TMEM68: variants seen among roughly 807,000 people sequenced by gnomAD.
The protein encoded by TMEM68 is transmembrane protein 68.
TMEM68 carries 25 observed loss-of-function variants against 36.9 expected under a neutral mutation model. The ratio of observed to expected loss-of-function variants is 0.68; its 90% CI spans 0.49 to 0.95. The LOEUF is 0.95. Ranked by LOEUF, TMEM68 falls within the 40% of genes least tolerant of loss-of-function variation. TMEM68 has a pLI of 0.00. For missense variants in TMEM68, 333 were observed against 392.0 expected, an observed-to-expected ratio of 0.85 and a Z score of 1.27; for synonymous variants, 131 against 124.4, an observed-to-expected ratio of 1.05 and a Z score of -0.35.
intron 1 of TMEM68, among the ~76,000 whole-genome samples, chr8:55,769,096 G>A (rs532009986): frequency 1.0e-4 from 15 of 149,928 alleles, no homozygotes; most frequent in South Asian, 4.2e-4. Context: ...AGGCCAAGGC[G>A]GGTGGATCAC....
intron 6 of TMEM68, 58 bp downstream of exon 6, chr8:55,745,003 C>G: frequency 8.6e-7 from 1 of 1,167,124 alleles, no homozygotes. Flanking sequence ...TAGGGTTCAA[C>G]AGCCCAAATA....
At chr8:55,771,389 C>T (rs1470422443) in intron 1 of TMEM68, among the ~76,000 whole-genome samples, 1 of 151,910 alleles carries the variant, frequency 6.6e-6, no homozygotes, top group Non-Finnish European at 1.5e-5. Context: ...ATCACTTGAA[C>T]CCAAGAATTC....
At chr8:55,769,411 T>C (rs1389766316) in intron 1 of TMEM68, among the ~76,000 whole-genome samples, 2 of 150,456 alleles carry the variant, frequency 1.3e-5, no homozygotes, top group Non-Finnish European at 3.0e-5. Flanking sequence ...ACAGATGATG[T>C]AGGAGAGGAG....
chr8:55,740,325 G>A, intron 7 of TMEM68, 107 bp from the exon 8 acceptor site: 1 of 752,780 alleles, frequency 1.3e-6, no homozygotes, highest in South Asian at 2.0e-5. Flanking sequence ...TACACCTGAA[G>A]CTTATATATT....
At chr8:55,757,034 G>A (rs1810628238) in intron 3 of TMEM68, among the ~76,000 whole-genome samples, 1 of 152,086 alleles carries the variant, frequency 6.6e-6, no homozygotes, top group South Asian at 2.1e-4. Flanking sequence ...CTGATCAAAT[G>A]AGTCAACATA....
At chr8:55,759,573 AAAAT>A (rs1365121292) in intron 3 of TMEM68, among the ~76,000 whole-genome samples, 2 of 151,952 alleles carry the variant, frequency 1.3e-5, no homozygotes, top group African/African-American at 4.8e-5. Flanking sequence ...CTCTGTCTCA[AAAAT>A]AAATAAATAA....
chr8:55,766,627 C>T (rs1389241121), intron 1 of TMEM68, among the ~76,000 whole-genome samples: 3 of 151,980 alleles, frequency 2.0e-5, no homozygotes, highest in South Asian at 4.2e-4. Flanking sequence ...CCGCCCGCCT[C>T]GGCCTCCCAA....
At chr8:55,762,545 T>G in intron 3 of TMEM68, 90 bp downstream of exon 3, 1 of 1,580,192 alleles carries the variant, frequency 6.3e-7, no homozygotes, top group Non-Finnish European at 8.6e-7. Flanking sequence ...TATTTTTCAG[T>G]ATCTTCTCAA....
At chr8:55,768,582 C>T (rs1425371228) in intron 1 of TMEM68, among the ~76,000 whole-genome samples, 2 of 152,046 alleles carry the variant, frequency 1.3e-5, no homozygotes, top group Non-Finnish European at 2.9e-5. Flanking sequence ...CGGTGGCTCA[C>T]ACCTGTAATC....
chr8:55,752,827 C>T (rs1227035923), intron 4 of TMEM68, among the ~76,000 whole-genome samples: 1 of 150,024 alleles, frequency 6.7e-6, no homozygotes, highest in Non-Finnish European at 1.5e-5. Flanking sequence ...TGGGCTCAAG[C>T]GATCCTCTCA....
chr8:55,757,907 C>A (rs1810654561), intron 3 of TMEM68, among the ~76,000 whole-genome samples: 1 of 152,118 alleles, frequency 6.6e-6, no homozygotes, highest in Non-Finnish European at 1.5e-5. Context: ...AAGCCTCACC[C>A]CTAAGCCCCA....
intron 5 of TMEM68, among the ~76,000 whole-genome samples, chr8:55,749,168 C>A (rs1810365058): frequency 6.6e-6 from 1 of 152,160 alleles, no homozygotes; most frequent in South Asian, 2.1e-4. Context: ...CTTATGTAGA[C>A]ATGAAGTTAT....
rs756086889 is a variant in TMEM68 at position 55,762,897 on chromosome 8, C to G, written c.63G>C (p.Leu21=). The G allele has an allele frequency of 1.2e-6, 2 of 1,614,098 alleles. No individual in the cohort carries two copies. Among genetic ancestry groups the G allele is most frequent in the Non-Finnish European group, 1.7e-6 (2 of 1,180,010 alleles). ...CAAACCATTCTTCGAGTATGTGAAT[C>G]AGACAAATCATATAGGGCACAGAAT... ...GQDSVPYMIC[L]IHILEEWFGV... Residue 21 remains leucine, a synonymous_variant, in exon 3 of 8, where the codon CTG becomes CTC. Coordinates refer to ENST00000434581, the MANE Select transcript of TMEM68 (RefSeq NM_001286657.2).
intron 1 of TMEM68, among the ~76,000 whole-genome samples, chr8:55,766,373 CTTTT>C (rs768070569): frequency 1.9e-4 from 21 of 113,056 alleles, no homozygotes; most frequent in African/African-American, 6.5e-4. Context: ...TCTATGCACG[CTTTT>C]TTTTTTTTTT....
intron 7 of TMEM68, 55 bp downstream of exon 7, chr8:55,743,426 A>G: frequency 2.0e-6 from 3 of 1,487,086 alleles, no homozygotes; most frequent in African/African-American, 1.4e-5. Context: ...GATTCAAAAT[A>G]TAATAATTGA....
At chr8:55,749,777 ATATT>A (rs1296909820) in intron 5 of TMEM68, among the ~76,000 whole-genome samples, 2 of 152,210 alleles carry the variant, frequency 1.3e-5, no homozygotes, top group African/African-American at 4.8e-5. Context: ...GGGTGGCACA[ATATT>A]TATCAAACTT....
At position 55,739,338 on chromosome 8, in the gene TMEM68, C is replaced by T. The variant is rs1251436067; in HGVS notation, c.*794G>A. On this transcript the variant is annotated 3_prime_UTR_variant, in exon 8 of 8. Transcript: ENST00000434581. ...TATTAAGACCACAGTATAGGGCTGA[C>T]AATGCACAGCACACCCTATATTGTT... is the stretch of plus-strand genomic sequence containing the variant. The T allele has an allele frequency of 6.6e-6, 1 of 152,502 alleles. No homozygotes were observed. Among genetic ancestry groups the T allele is most frequent in the East Asian group, 1.9e-4 (1 of 5,194 alleles). The allele number at this position is 152,502 out of a possible 1,614,324, so 9.4% of individuals were successfully genotyped here. A position where few individuals can be genotyped will look rare whatever the true frequency, so the allele number is the denominator to read the frequency against.
chr8:55,740,629 A>T (rs977924536), intron 7 of TMEM68, among the ~76,000 whole-genome samples: 1 of 152,228 alleles, frequency 6.6e-6, no homozygotes, highest in Non-Finnish European at 1.5e-5. Flanking sequence ...AGGGGACTTA[A>T]AGAGGAAAAA....
chr8:55,769,018 T>TTAAAAAAAAAAAAAAGA (rs1554556017), intron 1 of TMEM68, among the ~76,000 whole-genome samples: 1 of 82,094 alleles, frequency 1.2e-5, no homozygotes, highest in Non-Finnish European at 2.4e-5. Flanking sequence ...ACTCTGTCTT[T>TTAAAAAAAAAAAAAAGA]AAAAAAAAAA....
Sources: gnomAD v4.1 joint callset for allele counts (sites outside exome capture counted in the v4.1 genomes callset) on GRCh38, gnomAD v4.1.1 for gene constraint, MANE v1.5 for transcripts, NCBI Gene and HGNC (gene_info 2026-07-23, HGNC 2026-07-21) for gene names.